Variants in SASH1 observed in about 807,000 individuals in gnomAD.
SASH1 encodes SAM and SH3 domain-containing protein 1.
Under a neutral mutation model 125.2 loss-of-function variants are expected in SASH1, and 44 were observed. That is an observed-to-expected ratio of 0.35 (90% CI 0.28 to 0.45). SASH1 has a LOEUF of 0.45. Ranked by LOEUF, SASH1 falls within the 20% of genes least tolerant of loss-of-function variation. The probability of loss-of-function intolerance (pLI) is 1.00; values close to 1 mark genes in which losing one functional copy is unlikely to be tolerated. For synonymous variants in SASH1, 639 were observed against 649.1 expected, an observed-to-expected ratio of 0.98 and a Z score of 0.24; for missense variants, 1,426 against 1,614.5, an observed-to-expected ratio of 0.88 and a Z score of 2.00.
rs777297806 is a variant in SASH1, at chr6:148,532,991, C to T, written c.1734+25C>T. On this transcript the variant is annotated intron_variant, in intron 14 of 19. Transcript: ENST00000367467. The surrounding 1 kb of genome is among the most constrained non-coding windows in gnomAD (Gnocchi z 4.7). ...GGTATCTCTCTCCCTGGCCTCAGAGCAGCTAACTGGGCTCTTCCATTTCTC... is the reference window on the plus strand; with the variant it reads ...GGTATCTCTCTCCCTGGCCTCAGAGTAGCTAACTGGGCTCTTCCATTTCTC... 1 of 1,610,890 alleles carries T rather than the reference C, an allele frequency of 6.2e-7. No individual in the cohort carries two copies. The highest frequency in any genetic ancestry group is 1.1e-5 in the South Asian group (1 of 90,992).
the SASH1 span, among the ~76,000 whole-genome samples, chr6:148,239,412 C>T: frequency 1.3e-5 from 2 of 152,324 alleles, no homozygotes; most frequent in African/African-American, 4.8e-5. Flanking sequence ...CCGTGCTCTC[C>T]CGTAACAGGG....
At chr6:148,262,988 A>G in the SASH1 span, among the ~76,000 whole-genome samples, 1 of 152,220 alleles carries the variant, frequency 6.6e-6, no homozygotes, top group African/African-American at 2.4e-5. Flanking sequence ...AAAAAACACC[A>G]TAATGTTAGC....
At chr6:148,263,785 T>C in the SASH1 span, among the ~76,000 whole-genome samples, 1 of 152,200 alleles carries the variant, frequency 6.6e-6, no homozygotes, top group Admixed American at 6.5e-5. Flanking sequence ...CTACCATCTG[T>C]ACACATCTAA....
chr6:148,358,727 G>GGTTTTTTTTTTTTTTTT, intron 1 of SASH1, among the ~76,000 whole-genome samples: 1 of 98,788 alleles, frequency 1.0e-5, no homozygotes. Context: ...CTAATGCCAT[G>GGTTTTTTTTTTTTTTTT]TTTTTGTTTT....
At chr6:148,320,331 C>T (rs2114570624) in intron 1 of SASH1, among the ~76,000 whole-genome samples, 1 of 152,330 alleles carries the variant, frequency 6.6e-6, no homozygotes, top group East Asian at 1.9e-4. Context: ...TATCAAGGTA[C>T]ATTATTGGTG....
At chr6:148,254,244 A>G in the SASH1 span, among the ~76,000 whole-genome samples, 554 of 152,262 alleles carry the variant, frequency 3.6e-3, 5 homozygotes, top group Non-Finnish European at 6.5e-3. Context: ...AATATAACGC[A>G]TTAGATGCAA....
the SASH1 span, among the ~76,000 whole-genome samples, chr6:148,253,170 C>T: frequency 6.6e-6 from 1 of 152,174 alleles, no homozygotes; most frequent in African/African-American, 2.4e-5. Context: ...CTTTCATTTT[C>T]TTATTTCAAA....
At chr6:148,259,115 C>T in the SASH1 span, among the ~76,000 whole-genome samples, 1 of 152,158 alleles carries the variant, frequency 6.6e-6, no homozygotes, top group Non-Finnish European at 1.5e-5. Context: ...ACTCAAAGAT[C>T]GTTGTCTGCG....
At chr6:148,407,458 A>G (rs1312301810) in intron 2 of SASH1, among the ~76,000 whole-genome samples, 1 of 151,958 alleles carries the variant, frequency 6.6e-6, no homozygotes, top group Non-Finnish European at 1.5e-5. Flanking sequence ...CATATACCAC[A>G]TTTTGTTTAT....
intron 4 of SASH1, among the ~76,000 whole-genome samples, chr6:148,465,981 T>G (rs559616114): frequency 6.6e-6 from 1 of 152,330 alleles, no homozygotes; most frequent in East Asian, 1.9e-4. Context: ...TCCTTCGTGT[T>G]CATCCATGTA....
At chr6:148,312,176 T>A (rs1780349403) in intron 1 of SASH1, among the ~76,000 whole-genome samples, 1 of 152,184 alleles carries the variant, frequency 6.6e-6, no homozygotes, top group African/African-American at 2.4e-5. Context: ...ATGAGGGCAG[T>A]CTGTTGGGTG....
intron 2 of SASH1, among the ~76,000 whole-genome samples, chr6:148,394,881 T>C (rs2114846113): frequency 6.6e-6 from 1 of 152,276 alleles, no homozygotes; most frequent in Admixed American, 6.5e-5. Context: ...TGATCTCAGG[T>C]GATCTACCTG....
chr6:148,461,195 C>A (rs1246799481), intron 4 of SASH1, among the ~76,000 whole-genome samples: 1 of 152,222 alleles, frequency 6.6e-6, no homozygotes, highest in African/African-American at 2.4e-5. Flanking sequence ...GGTGGCAGCG[C>A]TGTCATTTAC....
At chr6:148,542,421 C>T (rs751589503) in intron 17 of SASH1, among the ~76,000 whole-genome samples, 53 of 152,218 alleles carry the variant, frequency 3.5e-4, no homozygotes, top group Non-Finnish European at 6.0e-4. Context: ...GAGTCTCGCT[C>T]TGTCGCCCAG....
chr6:148,508,799 G>C, intron 8 of SASH1: 2 of 870,280 alleles, frequency 2.3e-6, no homozygotes, highest in South Asian at 2.8e-5. Context: ...GAGTGAAGAC[G>C]CTCTCCGAGT....
At position 148,343,075 on chromosome 6, in the gene SASH1, A is replaced by G. The variant is rs1230231302; in HGVS notation, c.8A>G (p.Asp3Gly). ME[D>G]AGAAGPGPEP... ...CGCGCGCGGGACACGGCCATGGAGG[A>G]CGCGGGAGCAGCTGGCCCGGGGCCG... The change falls in exon 1 of 20, where the codon GAC (aspartate) becomes GGC (glycine). Residue 3 changes from aspartate to glycine, a missense_variant. Asp to Gly is a moderately conservative substitution (Grantham distance 94). Coordinates refer to ENST00000367467, the MANE Select transcript of SASH1 (RefSeq NM_015278.5). 3.3e-6 allele frequency: 5 copies of G among 1,505,262 alleles called. No homozygotes were observed. Among genetic ancestry groups the G allele is most frequent in the Admixed American group, 2.1e-5 (1 of 48,472 alleles). 93.2% of individuals were successfully genotyped at this position (1,505,262 alleles called of 1,614,324 possible).
chr6:148,221,693 A>G, the SASH1 span, among the ~76,000 whole-genome samples: 17 of 152,364 alleles, frequency 1.1e-4, no homozygotes, highest in East Asian at 1.5e-3. Context: ...GCTACAGCCC[A>G]GAGCATAATT....
chr6:148,337,380 C>A (rs569149557), intron 1 of SASH1, among the ~76,000 whole-genome samples: 1 of 152,130 alleles, frequency 6.6e-6, no homozygotes, highest in Non-Finnish European at 1.5e-5. Context: ...CCCGCCACCA[C>A]GCCTGGCAAA....
At chr6:148,370,238 T>C (rs1220362426) in intron 1 of SASH1, among the ~76,000 whole-genome samples, 2 of 152,080 alleles carry the variant, frequency 1.3e-5, no homozygotes, top group African/African-American at 4.8e-5. Flanking sequence ...TTGTGATATA[T>C]AGACAAAACC....
Sources: allele counts gnomAD v4.1 joint callset (sites outside exome capture counted in the v4.1 genomes callset), GRCh38; gene constraint gnomAD v4.1.1; non-coding constraint Gnocchi (gnomAD v3.1); transcripts MANE v1.5; gene names NCBI Gene and HGNC (gene_info 2026-07-23, HGNC 2026-07-21).